MID2: variants seen among roughly 807,000 people sequenced by gnomAD.
The protein encoded by MID2 is probable E3 ubiquitin-protein ligase MID2.
Under a neutral mutation model 46.1 loss-of-function variants are expected in MID2, and 13 were observed. That is an observed-to-expected ratio of 0.28 (90% CI 0.18 to 0.45). The LOEUF is 0.45. MID2 is among the 20% of genes least tolerant of loss of function. The pLI, the probability that MID2 is intolerant of heterozygous loss-of-function variation, is 1.00. For synonymous variants in MID2, 199 were observed against 212.3 expected (o/e 0.94, Z 0.55); for missense variants, 431 against 575.4 (o/e 0.75, Z 2.57).
rs201072364 is a variant in MID2 at position 107,898,001 on chromosome X, C to CT, written c.817-5951dup. ...TATTAAATAAAGCCAAACTCAGCCT[C>CT]TTTTTTCTGTTATGGAGTCTCAGAA... is the stretch of plus-strand genomic sequence containing the variant. On this transcript the variant is annotated intron_variant, in intron 3 of 9. Coordinates refer to ENST00000262843, the MANE Select transcript of MID2 (RefSeq NM_012216.4). Among the ~76,000 whole-genome samples, 972 of 111,348 alleles carry CT rather than the reference C, an allele frequency of 8.7e-3. 13 individuals are homozygous for CT. The highest frequency in any genetic ancestry group is 0.03 in the African/African-American group (930 of 30,561).
At chrX:107,880,848 G>C (rs1277616102) in intron 3 of MID2, among the ~76,000 whole-genome samples, 1 of 112,507 alleles carries the variant, frequency 8.9e-6, no homozygotes, top group African/African-American at 3.2e-5. Flanking sequence ...CCTAAGCCCA[G>C]GAATAATTAA....
chrX:107,904,119 A>G, intron 4 of MID2, 54 bp downstream of exon 4: 1 of 829,127 alleles, frequency 1.2e-6, no homozygotes, highest in Admixed American at 2.3e-5. Context: ...ACAAATATCA[A>G]AGTTTGATCC....
rs780939953 is a variant in MID2 at position 107,924,503 on chromosome X, C to T, written c.1596C>T (p.Asn532=). The T allele has an allele frequency of 2.5e-6, 3 of 1,210,841 alleles. No homozygotes were observed. ...RNSEPTRLKT[N]SQPFKLDPKM... is the part of the protein sequence containing the mutation. Reference sequence around the variant, plus strand: ...GTGAACCTACCCGACTAAAAACAAACAGTACGTTGTGGTGATTTCAAAAGG... The same window carrying T: ...GTGAACCTACCCGACTAAAAACAAATAGTACGTTGTGGTGATTTCAAAAGG... The change falls in exon 8 of 10, where the codon AAC becomes AAT. Residue 532 remains asparagine, a splice_region_variant and synonymous_variant. Transcript: ENST00000262843.
intron 3 of MID2, among the ~76,000 whole-genome samples, chrX:107,855,417 C>A (rs967907656): frequency 8.9e-6 from 1 of 111,893 alleles, no homozygotes; most frequent in South Asian, 3.8e-4. Flanking sequence ...GAGCATGAAA[C>A]TTATACCATT....
intron 3 of MID2, among the ~76,000 whole-genome samples, chrX:107,863,946 A>G (rs760746201): frequency 1.8e-5 from 2 of 112,387 alleles, no homozygotes. Context: ...CTTAGTGTTT[A>G]TGACAATCCT....
rs149669553 is a variant in MID2 at position 107,917,423 on chromosome X, G to C, written c.1202-83G>C. ...AAGAAAATCTCTTCAAGAGATGTTGGGTTACGCAGGAAGAGTAACAATTGT... is the reference window on the plus strand; with the variant it reads ...AAGAAAATCTCTTCAAGAGATGTTGCGTTACGCAGGAAGAGTAACAATTGT... On this transcript the variant is annotated intron_variant, in intron 6 of 9. Transcript: ENST00000262843. 1.1e-3 allele frequency: 819 copies of C among 734,842 alleles called. 4 individuals carry two copies. The African/African-American group carries it at 0.015, about 14-fold the overall frequency. The allele number at this position is 734,842 out of a possible 1,213,427, so 60.6% of individuals were successfully genotyped here. A position where few individuals can be genotyped will look rare whatever the true frequency, so the allele number is the denominator to read the frequency against.
intron 5 of MID2, among the ~76,000 whole-genome samples, chrX:107,906,769 A>G (rs1932839278): frequency 9.0e-6 from 1 of 111,663 alleles, no homozygotes; most frequent in Non-Finnish European, 1.9e-5. Context: ...TATTTTTAGT[A>G]GAGATGGGGT....
intron 3 of MID2, among the ~76,000 whole-genome samples, chrX:107,887,257 G>C (rs969962187): frequency 3.6e-5 from 4 of 111,588 alleles, no homozygotes; most frequent in African/African-American, 1.3e-4. Flanking sequence ...ATTGGCTGTG[G>C]GTTTTTCATA....
At chrX:107,827,124 G>A (rs935758572) in intron 1 of MID2, among the ~76,000 whole-genome samples, 8 of 112,585 alleles carry the variant, frequency 7.1e-5, no homozygotes, top group African/African-American at 2.3e-4. Flanking sequence ...AATAACGGCG[G>A]AGTAGATTTA....
rs995137443 is a variant in MID2, at chrX:107,841,295, T to C, written c.630T>C (p.Asp210=). Residue 210 remains aspartate, a synonymous_variant, in exon 2 of 10, where the codon GAT becomes GAC. Coordinates refer to ENST00000262843, the MANE Select transcript of MID2 (RefSeq NM_012216.4). ...AAGTGAACATGTACTGTGTATCTGA[T>C]GACCAATTGATCTGTGCCTTATGCA... ...NEKVNMYCVS[D]DQLICALCKL... 2.5e-6 allele frequency: 3 copies of C among 1,211,600 alleles called. No individual in the cohort carries two copies. Among genetic ancestry groups the C allele is most frequent in the Non-Finnish European group, 3.4e-6 (3 of 895,325 alleles).
At chrX:107,842,689 G>A (rs1001509410) in intron 2 of MID2, among the ~76,000 whole-genome samples, 1 of 112,287 alleles carries the variant, frequency 8.9e-6, no homozygotes, top group Non-Finnish European at 1.9e-5. Context: ...TACCTGATAT[G>A]TATAAATGTG....
chrX:107,893,951 T>C (rs1932659014), intron 3 of MID2, among the ~76,000 whole-genome samples: 1 of 112,871 alleles, frequency 8.9e-6, no homozygotes, highest in Non-Finnish European at 1.9e-5. Flanking sequence ...ACGTCGCACC[T>C]GTCTTCACAG....
intron 3 of MID2, among the ~76,000 whole-genome samples, chrX:107,879,126 C>G (rs1336156364): frequency 9.0e-6 from 1 of 111,484 alleles, no homozygotes; most frequent in Admixed American, 9.5e-5. Context: ...GCCATGACCC[C>G]TGAAGCCCCA....
At position 107,930,222 on chromosome X, in the gene MID2, C is replaced by T. The variant is rs1045991715; in HGVS notation, c.*3149C>T. Among the ~76,000 whole-genome samples the T allele has an allele frequency of 6.3e-5, 7 of 111,740 alleles. No homozygotes were observed. Among genetic ancestry groups the T allele is most frequent in the Non-Finnish European group, 1.3e-4 (7 of 53,062 alleles). On this transcript the variant is annotated 3_prime_UTR_variant, in exon 10 of 10. Coordinates refer to ENST00000262843, the MANE Select transcript of MID2 (RefSeq NM_012216.4). ...TTATGAAAGTTTCCTCTTGTACTCT[C>T]ATGTTCGTAGTGATGTTTGTTACTT...
intron 1 of MID2, among the ~76,000 whole-genome samples, chrX:107,828,025 A>G (rs1930994161): frequency 8.9e-6 from 1 of 111,958 alleles, no homozygotes; most frequent in African/African-American, 3.3e-5. Flanking sequence ...TTTCTCATGA[A>G]TGGTTTAGCA....
At chrX:107,893,942 C>T (rs1359406094) in intron 3 of MID2, among the ~76,000 whole-genome samples, 3 of 112,726 alleles carry the variant, frequency 2.7e-5, no homozygotes, top group East Asian at 2.8e-4. Flanking sequence ...TAATGGTGGA[C>T]GTCGCACCTG....
At chrX:107,866,550 G>A (rs1484921489) in intron 3 of MID2, among the ~76,000 whole-genome samples, 3 of 109,515 alleles carry the variant, frequency 2.7e-5, no homozygotes, top group African/African-American at 1.0e-4. Flanking sequence ...GAAGTTGAAA[G>A]CAAATGGTGT....
intron 3 of MID2, among the ~76,000 whole-genome samples, chrX:107,878,081 C>T (rs1309249880): frequency 9.0e-6 from 1 of 110,983 alleles, no homozygotes; most frequent in Non-Finnish European, 1.9e-5. Context: ...CCTTTAATCA[C>T]TGTATTCTTC....
At chrX:107,859,482 C>T (rs1602469621) in intron 3 of MID2, among the ~76,000 whole-genome samples, 1 of 111,995 alleles carries the variant, frequency 8.9e-6, no homozygotes, top group South Asian at 3.7e-4. Context: ...TGTAAATGAG[C>T]ACATTTTATG....
Sources: allele counts gnomAD v4.1 joint callset (sites outside exome capture counted in the v4.1 genomes callset), GRCh38; gene constraint gnomAD v4.1.1; transcripts MANE v1.5; gene names NCBI Gene and HGNC (gene_info 2026-07-23, HGNC 2026-07-21).